SLC5A10: variants seen among roughly 807,000 people sequenced by gnomAD.
SLC5A10 encodes solute carrier family 5 member 10.
A neutral mutation model predicts 68.9 loss-of-function variants in SLC5A10; 55 were observed. The ratio of observed to expected loss-of-function variants is 0.80; its 90% CI spans 0.64 to 1.00. The LOEUF is 1.00. Ranked by LOEUF, SLC5A10 falls within the 50% of genes least tolerant of loss-of-function variation. The pLI is 0.00. For missense variants in SLC5A10, 732 were observed against 819.3 expected (o/e 0.89, Z 1.30); for synonymous variants, 344 against 344.8 (o/e 1.00, Z 0.02).
chr17:18,970,647 A>G (rs575453580), intron 7 of SLC5A10: 1 of 287,920 alleles, frequency 3.5e-6, no homozygotes, highest in African/African-American at 2.2e-5. Flanking sequence ...ATGTCAAGAA[A>G]AATTACTTTT....
chr17:18,973,424 C>T (rs1390697529), intron 8 of SLC5A10, among the ~76,000 whole-genome samples: 4 of 152,234 alleles, frequency 2.6e-5, no homozygotes, highest in African/African-American at 7.2e-5. Flanking sequence ...AGGACACCAA[C>T]CAGCATTGGA....
In SLC5A10 at chr17:19,019,591, G is replaced by C; in HGVS notation, c.1410G>C (p.Gln470His). The change falls in exon 12 of 15, where the codon CAG becomes CAC. Residue 470 changes from glutamine to histidine, a missense_variant and splice_region_variant. Transcript: ENST00000395645. ...TCTTCTGGCGACGTGCCAACGAGCA[G>C]GTGGGCGTCGGCGGTCTGCTCTCCC... ...LGVFWRRANE[Q>H]GAFWGLIAGL... 1.9e-6 allele frequency: 3 copies of C among 1,610,822 alleles called. No individual in the cohort carries two copies. Among genetic ancestry groups the C allele is most frequent in the Non-Finnish European group, 2.5e-6 (3 of 1,179,736 alleles).
intron 9 of SLC5A10, chr17:18,978,804 G>A (rs754610223): frequency 2.5e-6 from 4 of 1,612,984 alleles, no homozygotes; most frequent in Non-Finnish European, 3.4e-6. Context: ...TGGCCAGACA[G>A]CACAGAGATC....
intron 8 of SLC5A10, among the ~76,000 whole-genome samples, chr17:18,974,072 T>A (rs2152004783): frequency 6.6e-6 from 1 of 152,224 alleles, no homozygotes; most frequent in African/African-American, 2.4e-5. Context: ...TTTGTATTTT[T>A]AATAGAGACG....
In SLC5A10 at chr17:18,996,399, A is replaced by G. The variant is rs1054161439; in HGVS notation, c.983-17011A>G. Among the ~76,000 whole-genome samples the G allele has an allele frequency of 6.6e-6, 1 of 151,970 alleles. No individual in the cohort carries two copies. The highest frequency in any genetic ancestry group is 1.5e-5 in the Non-Finnish European group (1 of 67,980). Reference sequence around the variant, plus strand: ...CTCCAGGGGGCTGGCAGAATTAGTGACATGCCATCTGAAGAGGCCCAAGAA... The same window carrying G: ...CTCCAGGGGGCTGGCAGAATTAGTGGCATGCCATCTGAAGAGGCCCAAGAA... On this transcript the variant is annotated intron_variant, in intron 9 of 14. Coordinates refer to ENST00000395645, the MANE Select transcript of SLC5A10 (RefSeq NM_001042450.4). The surrounding 1 kb of genome is among the most constrained non-coding windows in gnomAD (Gnocchi z 4.4).
chr17:18,987,221 C>T (rs2043292663), intron 9 of SLC5A10, among the ~76,000 whole-genome samples: 1 of 152,174 alleles, frequency 6.6e-6, no homozygotes, highest in Admixed American at 6.5e-5. Flanking sequence ...GTGCTGAGCC[C>T]AAGGGTCTGG....
At position 18,971,556 on chromosome 17, in the gene SLC5A10, C is replaced by T. The variant is rs191412288; in HGVS notation, c.846+338C>T. 1.6e-4 allele frequency: 256 copies of T among 1,613,816 alleles called. No homozygotes were observed. Among genetic ancestry groups the T allele is most frequent in the Middle Eastern group, 4.9e-4 (3 of 6,062 alleles). On this transcript the variant is annotated intron_variant, in intron 8 of 14. Coordinates refer to ENST00000395645, the MANE Select transcript of SLC5A10 (RefSeq NM_001042450.4). This position sits in a 1 kb window ranked among gnomAD's most constrained non-coding sequence, Gnocchi z 5.5. ...GCATTTTGGGCCAGTCTTGGGCTGC[C>T]GGGATCCGGAAGCAGGCGGGGTACC...
At chr17:19,010,708 C>T (rs1472260450) in intron 9 of SLC5A10, among the ~76,000 whole-genome samples, 1 of 152,176 alleles carries the variant, frequency 6.6e-6, no homozygotes, top group African/African-American at 2.4e-5. Flanking sequence ...CTGGGTCCTC[C>T]GAGTGCCAGT....
intron 11 of SLC5A10, 140 bp from the exon 12 acceptor site, chr17:19,019,274 ACTGGTGGTG>A: frequency 1.1e-6 from 1 of 928,652 alleles, no homozygotes. Context: ...TGGCCAGGTC[ACTGGTGGTG>A]TGGACCAGAG....
In SLC5A10 at chr17:19,003,872, T is replaced by G. The variant is rs960889355; in HGVS notation, c.983-9538T>G. 1 of 1,612,948 alleles carries G rather than the reference T, an allele frequency of 6.2e-7. No homozygotes were observed. The highest frequency in any genetic ancestry group is 8.5e-7 in the Non-Finnish European group (1 of 1,179,912). ...CTTGAGCTCCAGCTCCGAGAGGAAG[T>G]CTCGGATGTTCTCCCGCTTGAGCAC... On this transcript the variant is annotated intron_variant, in intron 9 of 14. Transcript: ENST00000395645. The surrounding 1 kb of genome is among the most constrained non-coding windows in gnomAD (Gnocchi z 4.5).
chr17:18,961,624 C>T (rs2042614991), intron 5 of SLC5A10, among the ~76,000 whole-genome samples: 1 of 152,148 alleles, frequency 6.6e-6, no homozygotes, highest in Non-Finnish European at 1.5e-5. Context: ...CCAGAAGAGG[C>T]GTCGATTTAG....
intron 9 of SLC5A10, among the ~76,000 whole-genome samples, chr17:18,999,871 G>A: frequency 6.6e-6 from 1 of 152,246 alleles, no homozygotes; most frequent in East Asian, 1.9e-4. Flanking sequence ...AGGAAGGTGT[G>A]ATCTGTCCCT....
In SLC5A10 at chr17:19,000,589, C is replaced by T. The variant is rs560309661; in HGVS notation, c.983-12821C>T. ...CCCCAGGGTCTGCCTGTTGTGCTGA[C>T]GACAGGTAAGGTGAGTGAGGAGGCG... On this transcript the variant is annotated intron_variant, in intron 9 of 14. Coordinates refer to ENST00000395645, the MANE Select transcript of SLC5A10 (RefSeq NM_001042450.4). The surrounding 1 kb of genome is among the most constrained non-coding windows in gnomAD (Gnocchi z 5.2). 3.2e-4 allele frequency among the ~76,000 whole-genome samples: 48 copies of T among 152,268 alleles called. No individual in the cohort carries two copies. The highest frequency in any genetic ancestry group is 5.4e-4 in the Non-Finnish European group (37 of 68,016).
chr17:19,009,871 C>T (rs1780267702), intron 9 of SLC5A10, among the ~76,000 whole-genome samples: 1 of 151,914 alleles, frequency 6.6e-6, no homozygotes, highest in African/African-American at 2.4e-5. Context: ...GCTCAGATGT[C>T]CATAATGAAT....
chr17:19,002,715 C>G (rs2043762313), intron 9 of SLC5A10, among the ~76,000 whole-genome samples: 1 of 152,228 alleles, frequency 6.6e-6, no homozygotes, highest in Admixed American at 6.5e-5. Flanking sequence ...CCAGCAGTGG[C>G]CTAGCTGTCT....
chr17:19,019,899 C>T lies in SLC5A10; in HGVS notation c.1597C>T (p.Leu533=). Residue 533 remains leucine, a synonymous_variant, in exon 13 of 15, where the codon CTG becomes TTG. Transcript: ENST00000395645. ...TGGTGCTGTTGTGGTGGCTGGAAGC[C>T]TGCTGACCCCACCCCCACAGAGTGT... is the stretch of plus-strand genomic sequence containing the variant. ...LSGAVVVAGS[L]LTPPPQSVQI... 1 of 1,610,244 alleles carries T rather than the reference C, an allele frequency of 6.2e-7. No homozygotes were observed. The highest frequency in any genetic ancestry group is 8.5e-7 in the Non-Finnish European group (1 of 1,178,964).
chr17:18,969,584 C>T, intron 7 of SLC5A10, 162 bp downstream of exon 7: 1 of 614,504 alleles, frequency 1.6e-6, no homozygotes. Context: ...AGTCAGCCCC[C>T]CTGCTGGCCC....
chr17:18,957,500 T>C (rs1250449017), intron 1 of SLC5A10, among the ~76,000 whole-genome samples: 4 of 152,208 alleles, frequency 2.6e-5, no homozygotes, highest in Admixed American at 6.5e-5. Flanking sequence ...GACGGAGCCT[T>C]GCTCTGTCAC....
chr17:19,006,704 C>T (rs754919489), intron 9 of SLC5A10, among the ~76,000 whole-genome samples: 6 of 152,234 alleles, frequency 3.9e-5, no homozygotes, highest in Non-Finnish European at 8.8e-5. Flanking sequence ...CCATTCCTAA[C>T]TTCTGGCAAC....
Sources: allele counts gnomAD v4.1 joint callset (sites outside exome capture counted in the v4.1 genomes callset), GRCh38; gene constraint gnomAD v4.1.1; non-coding constraint Gnocchi (gnomAD v3.1); transcripts MANE v1.5; gene names NCBI Gene and HGNC (gene_info 2026-07-23, HGNC 2026-07-21).